The following ZFP64 variants were observed in gnomAD, a reference collection of about 807,000 sequenced individuals.
ZFP64 encodes the protein zinc finger protein 64.
A neutral mutation model predicts 51.6 loss-of-function variants in ZFP64; 14 were observed. The observed-to-expected ratio is 0.27, with a 90% CI of 0.18 to 0.42. ZFP64 has a LOEUF of 0.42. Among genes scored for constraint, ZFP64 ranks in the 10% least tolerant of loss-of-function variants. The probability of loss-of-function intolerance (pLI) is 1.00; values close to 1 mark genes in which losing one functional copy is unlikely to be tolerated. For missense variants in ZFP64, 754 were observed against 906.8 expected, an observed-to-expected ratio of 0.83 and a Z score of 2.16; for synonymous variants, 375 against 361.4, an observed-to-expected ratio of 1.04 and a Z score of -0.43.
rs374186400 is a variant in ZFP64, at chr20:52,180,608, T to A, written c.286+6224A>T. On this transcript the variant is annotated intron_variant, in intron 2 of 5. Coordinates refer to ENST00000216923, the MANE Select transcript of ZFP64 (RefSeq NM_018197.3). ...AGTGATCAATTCAATGAATATTGAC[T>A]GAGGGCTTGCTATGAGCTCTGTGCT... is the stretch of plus-strand genomic sequence containing the variant. Among the ~76,000 whole-genome samples the A allele has an allele frequency of 4.7e-5, 7 of 150,054 alleles. No homozygotes were observed. In the East Asian group the frequency reaches 7.8e-4, roughly 17 times the overall value.
At chr20:52,165,650 T>A in intron 3 of ZFP64, 1 of 728,494 alleles carries the variant, frequency 1.4e-6, no homozygotes, top group Non-Finnish European at 2.4e-6. Context: ...CAAAGGCCTA[T>A]GGCTAGAAAA....
chr20:52,094,922 T>TGAGGCATGCCC (rs1485226215), intron 7 of ZFP64, among the ~76,000 whole-genome samples: 1 of 152,314 alleles, frequency 6.6e-6, no homozygotes, highest in African/African-American at 2.4e-5. Flanking sequence ...ATGGTGACCT[T>TGAGGCATGCCC]GAGGCATGCC....
chr20:52,150,021 C>T (rs755289410), downstream of ZFP64, among the ~76,000 whole-genome samples: 9 of 151,868 alleles, frequency 5.9e-5, no homozygotes, highest in South Asian at 2.1e-4. Flanking sequence ...ATCCTGGCTA[C>T]GGTGAAACCC....
Position 52,152,653 on chromosome 20 carries a change from C to G in ZFP64, c.1539G>C (p.Gln513His). Residue 513 changes from glutamine to histidine, a missense_variant, in exon 6 of 6, where the codon CAG becomes CAC. Around this residue, in one of 3 missense-constraint regions of ZFP64, gnomAD observed 428 missense variants for 472.4 expected, o/e 0.91. Transcript: ENST00000216923. ...HQVPQANTIV[Q>H]AAAAAVNIVP... ...CGATGTTCACTGCAGCGGCGGCAGC[C>G]TGGACGATGGTGTTCGCCTGGGGCA... 6.5e-7 allele frequency: 1 copy of G among 1,534,622 alleles called. No homozygotes were observed. The highest frequency in any genetic ancestry group is 8.7e-7 in the Non-Finnish European group (1 of 1,144,166).
intron 5 of ZFP64, among the ~76,000 whole-genome samples, chr20:52,135,174 A>G (rs1979909693): frequency 6.6e-6 from 1 of 152,088 alleles, no homozygotes. Flanking sequence ...TGGTTTTCAC[A>G]TTTTTAACTG....
At chr20:52,130,717 GTTGT>G (rs1979683851) in intron 5 of ZFP64, among the ~76,000 whole-genome samples, 2 of 152,078 alleles carry the variant, frequency 1.3e-5, no homozygotes, top group African/African-American at 4.8e-5. Flanking sequence ...CTAGCCCCTA[GTTGT>G]TTATCTTAGT....
chr20:52,098,564 GA>G lies in ZFP64; in HGVS notation c.786del (p.Pro263GlnfsTer52). On this transcript the variant is annotated frameshift_variant, in exon 6 of 9. Coordinates refer to the ZFP64 transcript ENST00000361387. LOFTEE classifies it high-confidence loss of function. ...TCAGTGGAGAGGCAGTTTGCTTTTG[GA>G]ACATCATCATCAAGTTCTGAAGCTG... is the stretch of plus-strand genomic sequence containing the variant. 1 of 1,614,102 alleles carries G rather than the reference GA, an allele frequency of 6.2e-7. No individual in the cohort carries two copies.
chr20:52,180,869 C>T (rs1304122062), intron 2 of ZFP64, among the ~76,000 whole-genome samples: 1 of 152,150 alleles, frequency 6.6e-6, no homozygotes, highest in East Asian at 1.9e-4. Flanking sequence ...TGAACCCAAG[C>T]AGTCTGTCTC....
At chr20:52,112,091 A>C (rs1253377126) in intron 5 of ZFP64, among the ~76,000 whole-genome samples, 4 of 138,316 alleles carry the variant, frequency 2.9e-5, no homozygotes, top group Admixed American at 7.4e-5. Context: ...CCAAAAAAAA[A>C]AAAAAAAAAC....
At chr20:52,138,281 ATAAAGT>A (rs1296464554) in intron 5 of ZFP64, among the ~76,000 whole-genome samples, 1 of 152,098 alleles carries the variant, frequency 6.6e-6, no homozygotes, top group Non-Finnish European at 1.5e-5. Flanking sequence ...GAGATAGGAA[ATAAAGT>A]TAAAAAGGAA....
chr20:52,156,634 C>T (rs1445104562), intron 5 of ZFP64, among the ~76,000 whole-genome samples: 1 of 152,160 alleles, frequency 6.6e-6, no homozygotes, highest in African/African-American at 2.4e-5. Context: ...TGGGCTATTA[C>T]GCTGCATCAC....
At chr20:52,106,605 T>C (rs1978319580) in intron 5 of ZFP64, among the ~76,000 whole-genome samples, 1 of 152,206 alleles carries the variant, frequency 6.6e-6, no homozygotes. Flanking sequence ...ATTGTTTCCA[T>C]TTCTCAAAAG....
Position 52,124,505 on chromosome 20 carries a change from G to C in ZFP64, c.764-25918C>G, listed in dbSNP as rs1728360359. On this transcript the variant is annotated intron_variant, in intron 5 of 8. Coordinates refer to the ZFP64 transcript ENST00000361387. The stretch of plus-strand genomic sequence containing the variant: ...ATGATAAAGAAAAATAGTAACATGT[G>C]AATGATAAAATTTTGTGGTATTGAG... 2.6e-5 allele frequency among the ~76,000 whole-genome samples: 4 copies of C among 152,202 alleles called. No individual in the cohort carries two copies. In the East Asian group the frequency reaches 5.8e-4, roughly 22 times the overall value.
intron 5 of ZFP64, among the ~76,000 whole-genome samples, chr20:52,125,168 A>G (rs1374444212): frequency 6.6e-6 from 1 of 152,230 alleles, no homozygotes; most frequent in East Asian, 1.9e-4. Context: ...ACTTTTGGTG[A>G]CAACAGATGC....
At chr20:52,117,491 C>A (rs1978937786) in intron 5 of ZFP64, among the ~76,000 whole-genome samples, 1 of 151,974 alleles carries the variant, frequency 6.6e-6, no homozygotes. Flanking sequence ...TGGTGGTGGG[C>A]ACCTGTAATC....
At chr20:52,091,181 C>T (rs892539871) in intron 7 of ZFP64, among the ~76,000 whole-genome samples, 2 of 151,936 alleles carry the variant, frequency 1.3e-5, no homozygotes, top group Non-Finnish European at 2.9e-5. Context: ...TAAACAAAAA[C>T]GTATTACATT....
At chr20:52,096,922 AG>A in intron 7 of ZFP64, 2 of 385,022 alleles carry the variant, frequency 5.2e-6, no homozygotes, top group South Asian at 4.0e-5. Context: ...ATAGTATTTT[AG>A]GCTTTGTGCA....
Position 52,098,785 on chromosome 20 carries a change from C to T in ZFP64, c.764-198G>A, listed in dbSNP as rs369908269. ...TTGGGAGGCTGAGGTTGGTGGAGCA[C>T]GAGTTCAGGAGTTCGAGACCAGCCT... On this transcript the variant is annotated intron_variant, in intron 5 of 8. Transcript: ENST00000361387. 4.9e-4 allele frequency among the ~76,000 whole-genome samples: 74 copies of T among 151,978 alleles called. No homozygotes were observed. In the East Asian group the frequency reaches 7.4e-3, roughly 15 times the overall value.
intron 3 of ZFP64, chr20:52,165,661 G>T: frequency 1.3e-6 from 1 of 762,240 alleles, no homozygotes; most frequent in Non-Finnish European, 2.2e-6. Context: ...GGCTAGAAAA[G>T]TCTTAGAACC....
Sources: allele counts gnomAD v4.1 joint callset (sites outside exome capture counted in the v4.1 genomes callset), GRCh38; gene constraint gnomAD v4.1.1; regional missense constraint gnomAD v4.1.1; transcripts MANE v1.5; gene names NCBI Gene and HGNC (gene_info 2026-07-23, HGNC 2026-07-21).